EYS: variants seen among roughly 807,000 people sequenced by gnomAD.
EYS encodes the protein protein eyes shut homolog.
EYS carries 250 observed loss-of-function variants against 282.1 expected under a neutral mutation model. That is an observed-to-expected ratio of 0.89 (90% CI 0.80 to 0.98). The LOEUF (loss-of-function observed/expected upper bound fraction) is 0.98. EYS is among the 50% of genes least tolerant of loss of function. EYS has a pLI of 0.00. For synonymous variants in EYS, 1,355 were observed against 1,282.9 expected, an observed-to-expected ratio of 1.06 and a Z score of -1.20; for missense variants, 4,016 against 3,709.0, an observed-to-expected ratio of 1.08 and a Z score of -2.15.
chr6:65,147,812 G>A (rs1764515042), intron 12 of EYS, among the ~76,000 whole-genome samples: 1 of 152,088 alleles, frequency 6.6e-6, no homozygotes, highest in Admixed American at 6.6e-5. Flanking sequence ...CATGACTGGG[G>A]ATGCCTCAGG....
intron 1 of EYS, among the ~76,000 whole-genome samples, chr6:65,703,101 C>G (rs1328421867): frequency 6.6e-6 from 1 of 152,186 alleles, no homozygotes; most frequent in Non-Finnish European, 1.5e-5. Flanking sequence ...TTCCCTAGAT[C>G]TTCAGCAGCT....
At chr6:65,610,344 T>C (rs1381749395) in intron 2 of EYS, among the ~76,000 whole-genome samples, 3 of 152,080 alleles carry the variant, frequency 2.0e-5, no homozygotes, top group Non-Finnish European at 2.9e-5. Flanking sequence ...CTCAAACTCA[T>C]AGGGATTATT....
rs149157447 is a variant in EYS, at chr6:65,183,790, A to T, written c.2023+112073T>A. Among the ~76,000 whole-genome samples the T allele has an allele frequency of 3.2e-3, 481 of 152,006 alleles. 3 individuals are homozygous for T. The highest frequency in any genetic ancestry group is 0.011 in the African/African-American group (447 of 41,542). On this transcript the variant is annotated intron_variant, in intron 12 of 42. Transcript: ENST00000503581. ...AGAAAAAAATAGGAAGATTAGGATT[A>T]GGGAAAGGTTAGGGAAAAAAAGTGT...
chr6:64,848,135 C>G (rs9345555), intron 19 of EYS, among the ~76,000 whole-genome samples: 1 of 151,810 alleles, frequency 6.6e-6, no homozygotes, highest in African/African-American at 2.4e-5. Context: ...TTCCTGAACA[C>G]ATGCTGATCT....
rs112325505 is a variant in EYS, at chr6:64,826,274, G to GATAAATTTTT, written c.2993-3453_2993-3452insAAAAATTTAT. ...CTTCATTTGACAAAAGAAGAACCAT[G>GATAAATTTTT]TTCTTTCTTTTTGTTATGTCTAACA... is the stretch of plus-strand genomic sequence containing the variant. On this transcript the variant is annotated intron_variant, in intron 19 of 42. Transcript: ENST00000503581. Among the ~76,000 whole-genome samples the GATAAATTTTT allele has an allele frequency of 8.0e-3, 1,220 of 151,914 alleles. 15 individuals are homozygous for GATAAATTTTT. Among genetic ancestry groups the GATAAATTTTT allele is most frequent in the African/African-American group, 0.027 (1,136 of 41,508 alleles).
At position 65,170,373 on chromosome 6, in the gene EYS, G is replaced by A. The variant is rs950475654; in HGVS notation, c.2024-112646C>T. 2.0e-5 allele frequency among the ~76,000 whole-genome samples: 3 copies of A among 151,480 alleles called. No homozygotes were observed. The East Asian group carries it at 5.9e-4, about 30-fold the overall frequency. On this transcript the variant is annotated intron_variant, in intron 12 of 42. Coordinates refer to ENST00000503581, the MANE Select transcript of EYS (RefSeq NM_001142800.2). ...TTTAAAATGAACTGACATTTTTGAGGCGAATATATTATACTATAAACCATT... is the reference window on the plus strand; with the variant it reads ...TTTAAAATGAACTGACATTTTTGAGACGAATATATTATACTATAAACCATT...
At chr6:64,070,880 T>TCGC (rs1771548117) in intron 32 of EYS, among the ~76,000 whole-genome samples, 2 of 152,170 alleles carry the variant, frequency 1.3e-5, no homozygotes, top group African/African-American at 4.8e-5. Context: ...AATAATTTTA[T>TCGC]TCATTATGAC....
At position 65,236,611 on chromosome 6, in the gene EYS, T is replaced by TA. The variant is rs35097084; in HGVS notation, c.2023+59251dup. Among the ~76,000 whole-genome samples, 259 of 150,028 alleles carry TA rather than the reference T, an allele frequency of 1.7e-3. 2 individuals are homozygous for TA. Among genetic ancestry groups the TA allele is most frequent in the African/African-American group, 5.5e-3 (226 of 40,972 alleles). ...CAACAGAGTGAGACTCTGTCTCAAA[T>TA]AAAAAAAAAATAAATAACAGTATCA... On this transcript the variant is annotated intron_variant, in intron 12 of 42. Coordinates refer to ENST00000503581, the MANE Select transcript of EYS (RefSeq NM_001142800.2).
Position 64,264,635 on chromosome 6 carries a change from C to T in EYS, c.6192-33811G>A, listed in dbSNP as rs990431815. On this transcript the variant is annotated intron_variant, in intron 30 of 42. Coordinates refer to ENST00000503581, the MANE Select transcript of EYS (RefSeq NM_001142800.2). ...TTAATGAAAAGAGTGACTGGCTGGG[C>T]GTGGTGGCTCATGCCTGTAATCCCA... 3.3e-5 allele frequency among the ~76,000 whole-genome samples: 5 copies of T among 152,032 alleles called. No homozygotes were observed. The South Asian group carries it at 6.2e-4, about 19-fold the overall frequency.
intron 31 of EYS, among the ~76,000 whole-genome samples, chr6:64,084,355 CTT>C (rs1285558740): frequency 1.3e-5 from 2 of 152,178 alleles, no homozygotes; most frequent in Admixed American, 6.5e-5. Context: ...GCAAGGATGA[CTT>C]TTCCCAAGGC....
intron 12 of EYS, among the ~76,000 whole-genome samples, chr6:65,131,486 G>A (rs760498847): frequency 3.3e-5 from 5 of 151,956 alleles, no homozygotes; most frequent in Non-Finnish European, 7.4e-5. Context: ...TGAGTTTTGA[G>A]TAAATAATGA....
intron 41 of EYS, among the ~76,000 whole-genome samples, chr6:63,742,496 T>C (rs1341458618): frequency 6.6e-6 from 1 of 152,178 alleles, no homozygotes; most frequent in African/African-American, 2.4e-5. Context: ...AAAGGAAATC[T>C]TAGGCTTTCC....
chr6:65,568,003 G>A (rs576634368), intron 2 of EYS, among the ~76,000 whole-genome samples: 19 of 151,906 alleles, frequency 1.3e-4, no homozygotes, highest in South Asian at 2.1e-4. Context: ...TGAAGTTTCC[G>A]TTTTCCCACC....
intron 22 of EYS, among the ~76,000 whole-genome samples, chr6:64,714,656 G>A (rs1464343242): frequency 6.6e-5 from 10 of 151,700 alleles, no homozygotes; most frequent in Non-Finnish European, 1.0e-4. Context: ...CTCTGGAGTA[G>A]CTGGGACTAT....
At chr6:64,470,023 G>A (rs528320416) in intron 26 of EYS, among the ~76,000 whole-genome samples, 55 of 152,208 alleles carry the variant, frequency 3.6e-4, no homozygotes, top group African/African-American at 1.3e-3. Context: ...CTATCCAATG[G>A]ACACGTGACC....
intron 14 of EYS, among the ~76,000 whole-genome samples, chr6:64,995,689 C>T (rs1379214383): frequency 6.7e-6 from 1 of 148,480 alleles, no homozygotes; most frequent in Non-Finnish European, 1.5e-5. Flanking sequence ...AACTTTATCT[C>T]TTCTTCAACT....
At chr6:64,777,325 C>G (rs190507506) in intron 22 of EYS, among the ~76,000 whole-genome samples, 1 of 152,204 alleles carries the variant, frequency 6.6e-6, no homozygotes, top group East Asian at 1.9e-4. Context: ...ACCTTAGATT[C>G]TCAAAGCACT....
Position 65,439,544 on chromosome 6 carries a change from C to A in EYS, c.863-34177G>T, listed in dbSNP as rs532906590. On this transcript the variant is annotated intron_variant, in intron 5 of 42. Coordinates refer to ENST00000503581, the MANE Select transcript of EYS (RefSeq NM_001142800.2). ...TTTCGTTGAGCACTGGTTTGTAGTTCTCCTTGAAGAGGTCCTCCACATCCC... is the reference window on the plus strand; with the variant it reads ...TTTCGTTGAGCACTGGTTTGTAGTTATCCTTGAAGAGGTCCTCCACATCCC... Among the ~76,000 whole-genome samples, 7 of 152,200 alleles carry A rather than the reference C, an allele frequency of 4.6e-5. No individual in the cohort carries two copies. The South Asian group carries it at 1.2e-3, about 27-fold the overall frequency.
intron 26 of EYS, among the ~76,000 whole-genome samples, chr6:64,494,531 C>T (rs998457951): frequency 2.0e-5 from 3 of 151,518 alleles, no homozygotes; most frequent in Non-Finnish European, 4.4e-5. Flanking sequence ...ACACTTAGCA[C>T]GTAATGACAT....
Sources: allele counts gnomAD v4.1 joint callset (sites outside exome capture counted in the v4.1 genomes callset), GRCh38; gene constraint gnomAD v4.1.1; transcripts MANE v1.5; gene names NCBI Gene and HGNC (gene_info 2026-07-23, HGNC 2026-07-21).